PPARGC1A: variants seen among roughly 807,000 people sequenced by gnomAD.
PPARGC1A encodes PPARG coactivator 1 alpha.
In PPARGC1A, 25 loss-of-function variants were observed where a neutral mutation model predicts 88.7. The observed-to-expected ratio is 0.28, with a 90% confidence interval of 0.21 to 0.39. The LOEUF is 0.39. PPARGC1A is among the 10% of genes least tolerant of loss of function. The pLI, the probability that PPARGC1A is intolerant of heterozygous loss-of-function variation, is 1.00. For missense variants in PPARGC1A, 880 were observed against 968.7 expected, an observed-to-expected ratio of 0.91 and a Z score of 1.22; for synonymous variants, 363 against 355.6, an observed-to-expected ratio of 1.02 and a Z score of -0.24.
the PPARGC1A span, among the ~76,000 whole-genome samples, chr4:24,467,181 A>C: frequency 2.0e-5 from 3 of 152,140 alleles, no homozygotes; most frequent in Non-Finnish European, 2.9e-5. Context: ...GCATTAAGTA[A>C]GCCAGCCTTA....
intron 2 of PPARGC1A, among the ~76,000 whole-genome samples, chr4:23,840,358 C>G (rs1726847308): frequency 6.6e-6 from 1 of 152,084 alleles, no homozygotes; most frequent in South Asian, 2.1e-4. Context: ...CTATCTGAAT[C>G]CTTCCCAATC....
At position 23,795,655 on chromosome 4, in the gene PPARGC1A, ATTGTTG is replaced by A; in HGVS notation, c.*161_*166del. ...TGTGTTCATGTAAACCATTGTTGTT[ATTGTTG>A]TTGTTGTTCTTGTTGTATTGTTGTT... On this transcript the variant is annotated 3_prime_UTR_variant, in exon 13 of 13. Coordinates refer to ENST00000264867, the MANE Select transcript of PPARGC1A (RefSeq NM_013261.5). 3.6e-6 allele frequency: 2 copies of A among 560,256 alleles called. No homozygotes were observed. Among genetic ancestry groups the A allele is most frequent in the Non-Finnish European group, 6.2e-6 (2 of 320,510 alleles). 34.7% of individuals were successfully genotyped at this position (560,256 alleles called of 1,614,324 possible).
chr4:23,986,784 C>T, the PPARGC1A span, among the ~76,000 whole-genome samples: 1 of 152,004 alleles, frequency 6.6e-6, no homozygotes, highest in Non-Finnish European at 1.5e-5. Flanking sequence ...ACTGTCTTGC[C>T]TCTCTGGAGT....
At chr4:24,303,710 C>T in the PPARGC1A span, among the ~76,000 whole-genome samples, 99,841 of 152,024 alleles carry the variant, frequency 0.66, 33,171 homozygotes, top group African/African-American at 0.73. Flanking sequence ...ATCACAATTC[C>T]TCAATTTTTT....
At chr4:24,146,307 C>T in the PPARGC1A span, among the ~76,000 whole-genome samples, 18 of 152,324 alleles carry the variant, frequency 1.2e-4, no homozygotes, top group African/African-American at 4.3e-4. Context: ...CATATGAGTT[C>T]ATTACTTAGC....
the PPARGC1A span, among the ~76,000 whole-genome samples, chr4:24,203,946 T>A: frequency 2.7e-4 from 41 of 152,344 alleles, no homozygotes; most frequent in Admixed American, 2.3e-3. Context: ...GAGCATAACC[T>A]CCAGAAATAC....
chr4:24,092,088 G>A, the PPARGC1A span, among the ~76,000 whole-genome samples: 631 of 152,064 alleles, frequency 4.1e-3, 3 homozygotes, highest in Non-Finnish European at 6.9e-3. Context: ...AAAAAGCAGC[G>A]TATGAATCAC....
chr4:24,175,537 G>GC, the PPARGC1A span, among the ~76,000 whole-genome samples: 1 of 101,480 alleles, frequency 9.9e-6, no homozygotes, highest in East Asian at 3.1e-4. Context: ...ACCACACCAA[G>GC]CTTTTTTTTT....
At chr4:23,841,793 AAAT>A (rs1470503489) in intron 2 of PPARGC1A, among the ~76,000 whole-genome samples, 1 of 152,118 alleles carries the variant, frequency 6.6e-6, no homozygotes, top group Non-Finnish European at 1.5e-5. Flanking sequence ...CTGTTCATTT[AAAT>A]AATGCCATAG....
At chr4:23,929,043 T>C in the PPARGC1A span, among the ~76,000 whole-genome samples, 27 of 151,972 alleles carry the variant, frequency 1.8e-4, no homozygotes, top group Non-Finnish European at 3.1e-4. Flanking sequence ...ATTACCTAGG[T>C]GATGGGTTGA....
At chr4:23,823,439 G>A (rs982887240) in intron 7 of PPARGC1A, among the ~76,000 whole-genome samples, 1 of 151,998 alleles carries the variant, frequency 6.6e-6, no homozygotes, top group African/African-American at 2.4e-5. Context: ...ATATTTTTGT[G>A]TTTTAAGCAA....
At chr4:24,229,767 C>A in the PPARGC1A span, among the ~76,000 whole-genome samples, 5 of 151,582 alleles carry the variant, frequency 3.3e-5, no homozygotes, top group Non-Finnish European at 7.4e-5. Context: ...ATCACTTGAA[C>A]CCGGGAGGCA....
At chr4:24,001,910 G>A in the PPARGC1A span, among the ~76,000 whole-genome samples, 1 of 152,022 alleles carries the variant, frequency 6.6e-6, no homozygotes, top group Non-Finnish European at 1.5e-5. Context: ...GAGTCTATTA[G>A]TCCAAGAAGT....
At chr4:24,226,138 C>T in the PPARGC1A span, among the ~76,000 whole-genome samples, 1 of 152,110 alleles carries the variant, frequency 6.6e-6, no homozygotes. Flanking sequence ...CTGACTCTGC[C>T]GCCGCCTGAC....
At chr4:24,147,434 C>T in the PPARGC1A span, among the ~76,000 whole-genome samples, 1 of 152,170 alleles carries the variant, frequency 6.6e-6, no homozygotes, top group Non-Finnish European at 1.5e-5. Flanking sequence ...GAGAGGACTC[C>T]TCTCTATATC....
At chr4:23,923,644 A>T in the PPARGC1A span, among the ~76,000 whole-genome samples, 11 of 152,222 alleles carry the variant, frequency 7.2e-5, no homozygotes, top group Admixed American at 7.2e-4. Flanking sequence ...AAAGGAAGGG[A>T]ATGTACCCTG....
At chr4:24,109,804 G>C in the PPARGC1A span, among the ~76,000 whole-genome samples, 1 of 151,908 alleles carries the variant, frequency 6.6e-6, no homozygotes, top group African/African-American at 2.4e-5. Flanking sequence ...GAGGGGCAGG[G>C]AGGCAAGGCA....
intron 1 of PPARGC1A, among the ~76,000 whole-genome samples, chr4:23,895,675 T>C (rs1287273232): frequency 2.0e-5 from 3 of 151,912 alleles, no homozygotes; most frequent in African/African-American, 7.3e-5. Flanking sequence ...AATCGAAAAA[T>C]AGATGTCAGA....
At chr4:24,056,226 C>T in the PPARGC1A span, among the ~76,000 whole-genome samples, 3 of 152,262 alleles carry the variant, frequency 2.0e-5, no homozygotes, top group South Asian at 4.1e-4. Context: ...GGATCTAAGA[C>T]AATACTCTCT....
Sources: allele counts gnomAD v4.1 joint callset (sites outside exome capture counted in the v4.1 genomes callset), GRCh38; gene constraint gnomAD v4.1.1; transcripts MANE v1.5; gene names NCBI Gene and HGNC (gene_info 2026-07-23, HGNC 2026-07-21).